TMEM117: variants seen among roughly 807,000 people sequenced by gnomAD.
TMEM117 encodes transmembrane protein 117.
In TMEM117, 27 loss-of-function variants were observed where a neutral mutation model predicts 52.4. The ratio of observed to expected loss-of-function variants is 0.51; its 90% confidence interval spans 0.38 to 0.71. The LOEUF is 0.71. Ranked by LOEUF, TMEM117 falls within the 30% of genes least tolerant of loss-of-function variation. The probability of loss-of-function intolerance (pLI) is 0.00; values close to 1 mark genes in which losing one functional copy is unlikely to be tolerated. For synonymous variants in TMEM117, 215 were observed against 206.3 expected (o/e 1.04, Z -0.36); for missense variants, 556 against 630.5 (o/e 0.88, Z 1.26).
chr12:44,057,000 C>T (rs897592412), intron 3 of TMEM117, among the ~76,000 whole-genome samples: 2 of 147,480 alleles, frequency 1.4e-5, no homozygotes, highest in African/African-American at 5.0e-5. Flanking sequence ...TGAGTTGTCA[C>T]TGACTCTCTC....
At chr12:43,815,872 C>G in the TMEM117 span, among the ~76,000 whole-genome samples, 2 of 152,214 alleles carry the variant, frequency 1.3e-5, no homozygotes, top group East Asian at 3.8e-4. Flanking sequence ...GAAGGCAGTG[C>G]AAGAGAAAGG....
rs541269552 is a variant in TMEM117 at position 44,023,603 on chromosome 12, G to T, written c.410+79261G>T. On this transcript the variant is annotated intron_variant, in intron 3 of 7. Coordinates refer to ENST00000266534, the MANE Select transcript of TMEM117 (RefSeq NM_032256.3). ...ATGATGAGCATTTTTTCATGTGTCT[G>T]TTGGCTGCATAAATGTCTTCTTTTG... is the stretch of plus-strand genomic sequence containing the variant. Among the ~76,000 whole-genome samples, 14 of 152,026 alleles carry T rather than the reference G, an allele frequency of 9.2e-5. No individual in the cohort carries two copies. The South Asian group carries it at 1.7e-3, about 18-fold the overall frequency.
At chr12:44,136,239 A>C (rs1005974203) in intron 3 of TMEM117, among the ~76,000 whole-genome samples, 1 of 152,152 alleles carries the variant, frequency 6.6e-6, no homozygotes, top group Non-Finnish European at 1.5e-5. Flanking sequence ...AAGCTTGGTT[A>C]TCTGTATCAT....
intron 6 of TMEM117, among the ~76,000 whole-genome samples, chr12:44,334,910 A>G (rs1951321126): frequency 6.6e-6 from 1 of 152,096 alleles, no homozygotes; most frequent in Admixed American, 6.6e-5. Context: ...CTGTGATATT[A>G]TAATTTCACA....
the TMEM117 span, chr12:43,795,861 A>C: frequency 9.2e-7 from 1 of 1,092,502 alleles, no homozygotes; most frequent in Non-Finnish European, 1.3e-6. Context: ...CCAGTAAGGC[A>C]GAATCAAGGA....
At chr12:44,081,667 A>G (rs1423369300) in intron 3 of TMEM117, among the ~76,000 whole-genome samples, 2 of 152,120 alleles carry the variant, frequency 1.3e-5, no homozygotes, top group Non-Finnish European at 2.9e-5. Flanking sequence ...ATTGATTATA[A>G]TTATTTTTAA....
chr12:43,827,083 C>G, the TMEM117 span, among the ~76,000 whole-genome samples: 1 of 151,168 alleles, frequency 6.6e-6, no homozygotes, highest in East Asian at 1.9e-4. Context: ...AGTAAGAATG[C>G]AATGGAAGAA....
At chr12:44,236,171 C>CATAT (rs34442924) in intron 5 of TMEM117, among the ~76,000 whole-genome samples, 13 of 148,190 alleles carry the variant, frequency 8.8e-5, no homozygotes, top group Non-Finnish European at 1.6e-4. Flanking sequence ...TAGTTTCTAG[C>CATAT]ATATATATAT....
At chr12:44,129,324 CTGTAGCGCTGG>C (rs1948377450) in intron 3 of TMEM117, among the ~76,000 whole-genome samples, 3 of 152,170 alleles carry the variant, frequency 2.0e-5, no homozygotes, top group African/African-American at 7.2e-5. Context: ...CATCATTCTT[CTGTAGCGCTGG>C]GCCTGTCAGG....
chr12:44,303,637 A>G (rs1387734475), intron 6 of TMEM117, among the ~76,000 whole-genome samples: 2 of 152,252 alleles, frequency 1.3e-5, no homozygotes, highest in Non-Finnish European at 2.9e-5. Flanking sequence ...TAAATTGTAG[A>G]GAAAACATTC....
chr12:44,265,287 G>A lies in TMEM117; in HGVS notation c.609-34293G>A, dbSNP rs79583507. ...GTGAAAATGGTACCACATGACTTTGGAGAAGGGAACAAGGTGTAGATCATG... is the reference window on the plus strand; with the variant it reads ...GTGAAAATGGTACCACATGACTTTGAAGAAGGGAACAAGGTGTAGATCATG... On this transcript the variant is annotated intron_variant, in intron 5 of 7. Transcript: ENST00000266534. 2.2e-3 allele frequency among the ~76,000 whole-genome samples: 332 copies of A among 152,284 alleles called. 1 individual carries two copies. The highest frequency in any genetic ancestry group is 3.1e-3 in the Non-Finnish European group (210 of 68,012).
At chr12:44,322,335 T>C (rs1220738620) in intron 6 of TMEM117, among the ~76,000 whole-genome samples, 1 of 152,184 alleles carries the variant, frequency 6.6e-6, no homozygotes, top group Non-Finnish European at 1.5e-5. Flanking sequence ...AAAATGTAAA[T>C]GAATGATAGA....
intron 3 of TMEM117, among the ~76,000 whole-genome samples, chr12:43,979,868 G>T (rs975034230): frequency 6.6e-6 from 1 of 152,186 alleles, no homozygotes; most frequent in Non-Finnish European, 1.5e-5. Context: ...TATGTCAGGG[G>T]TAGGGGAGGA....
chr12:43,946,378 G>GTTTTTTTTTTTTT (rs1244597058), intron 3 of TMEM117, among the ~76,000 whole-genome samples: 7 of 113,492 alleles, frequency 6.2e-5, no homozygotes, highest in Non-Finnish European at 1.0e-4. Flanking sequence ...ATATAATTCT[G>GTTTTTTTTTTTTT]TTTTTTTTTT....
At chr12:44,004,289 G>A (rs1018089005) in intron 3 of TMEM117, among the ~76,000 whole-genome samples, 2 of 152,150 alleles carry the variant, frequency 1.3e-5, no homozygotes, top group African/African-American at 4.8e-5. Context: ...TGTTTCTGGG[G>A]ACTTTGCTGA....
intron 3 of TMEM117, among the ~76,000 whole-genome samples, chr12:43,997,651 G>T (rs60596389): frequency 6.6e-6 from 1 of 152,056 alleles, no homozygotes; most frequent in African/African-American, 2.4e-5. Context: ...CATTACCATT[G>T]TCACTGGCAT....
intron 3 of TMEM117, among the ~76,000 whole-genome samples, chr12:44,071,977 A>T (rs145858849): frequency 1.3e-5 from 2 of 152,222 alleles, no homozygotes; most frequent in Non-Finnish European, 2.9e-5. Flanking sequence ...TCTGCAAATG[A>T]CATTTCAAGA....
chr12:43,888,573 A>G lies in TMEM117; in HGVS notation c.277+43645A>G, dbSNP rs1471755063. Among the ~76,000 whole-genome samples, 69 of 104,924 alleles carry G rather than the reference A, an allele frequency of 6.6e-4. 1 individual carries two copies. Among genetic ancestry groups the G allele is most frequent in the Admixed American group, 1.9e-3 (14 of 7,344 alleles). 68.8% of individuals were successfully genotyped at this position (104,924 alleles called of 152,430 possible). On this transcript the variant is annotated intron_variant, in intron 2 of 7. Transcript: ENST00000266534. ...TTTTTTTTTTTTTTTTTTGAGATGGAGTCTTGCTCTATCACCCAGGCTGGA... is the reference window on the plus strand; with the variant it reads ...TTTTTTTTTTTTTTTTTTGAGATGGGGTCTTGCTCTATCACCCAGGCTGGA...
chr12:44,010,002 G>A (rs573562192), intron 3 of TMEM117: 38 of 320,674 alleles, frequency 1.2e-4, no homozygotes, highest in African/African-American at 8.2e-4. Context: ...GTGCCTGTGA[G>A]TGCCCTCAGG....
Sources: allele counts gnomAD v4.1 joint callset (sites outside exome capture counted in the v4.1 genomes callset), GRCh38; gene constraint gnomAD v4.1.1; transcripts MANE v1.5; gene names NCBI Gene and HGNC (gene_info 2026-07-23, HGNC 2026-07-21).